The following PCTP variants were observed in gnomAD, a reference collection of about 807,000 sequenced individuals.
PCTP encodes START domain-containing protein 2.
In PCTP, 27 loss-of-function variants were observed where a neutral mutation model predicts 31.0. That is an observed-to-expected ratio of 0.87 (90% confidence interval 0.64 to 1.20). The LOEUF is 1.20. Ranked by LOEUF, PCTP falls within the 50% of genes most tolerant of loss-of-function variation. The probability of loss-of-function intolerance (pLI) is 0.00; values close to 1 mark genes in which losing one functional copy is unlikely to be tolerated. For synonymous variants in PCTP, 108 were observed against 101.2 expected, an observed-to-expected ratio of 1.07 and a Z score of -0.40; for missense variants, 287 against 268.2, an observed-to-expected ratio of 1.07 and a Z score of -0.49.
intron 1 of PCTP, among the ~76,000 whole-genome samples, chr17:55,762,957 T>C (rs1425974214): frequency 6.6e-6 from 1 of 152,252 alleles, no homozygotes; most frequent in African/African-American, 2.4e-5. Context: ...CATAATCCTT[T>C]TACTATTTGA....
downstream of PCTP, among the ~76,000 whole-genome samples, chr17:55,824,084 T>C (rs1380506958): frequency 1.3e-5 from 2 of 152,160 alleles, no homozygotes; most frequent in East Asian, 1.9e-4. Flanking sequence ...TTCTTTTACC[T>C]TCTTCCCATA....
the PCTP span, among the ~76,000 whole-genome samples, chr17:55,849,341 A>C: frequency 6.6e-6 from 1 of 152,182 alleles, no homozygotes. Flanking sequence ...ATAGCACTAC[A>C]GTCAGGTGCG....
At chr17:55,792,149 A>T (rs1912011068) in intron 3 of PCTP, among the ~76,000 whole-genome samples, 1 of 109,918 alleles carries the variant, frequency 9.1e-6, no homozygotes, top group African/African-American at 3.6e-5. Context: ...CACTCTGGGG[A>T]CTGTTGTGGG....
the PCTP span, among the ~76,000 whole-genome samples, chr17:55,851,344 G>T: frequency 5.7e-4 from 86 of 152,172 alleles, 1 homozygote; most frequent in South Asian, 4.4e-3. Flanking sequence ...AGATTTTTTA[G>T]AATATTTCTA....
chr17:55,820,269 T>A (rs1472257804), intron 3 of PCTP, among the ~76,000 whole-genome samples: 1 of 152,186 alleles, frequency 6.6e-6, no homozygotes, highest in Non-Finnish European at 1.5e-5. Context: ...AAATCATATA[T>A]CTGATAAGGG....
chr17:55,778,012 G>T (rs980035333), downstream of PCTP, among the ~76,000 whole-genome samples: 5 of 152,144 alleles, frequency 3.3e-5, no homozygotes, highest in African/African-American at 4.8e-5. Flanking sequence ...TAAATAATTT[G>T]CTAAGAACTC....
rs544175937 is a variant in PCTP, at chr17:55,800,780, T to C, written c.317+13126T>C. ...TGTGGATTTATCTACTTTTGGTCTTTGAAGTTGGTGACCTTCAATAGGATT... is the reference window on the plus strand; with the variant it reads ...TGTGGATTTATCTACTTTTGGTCTTCGAAGTTGGTGACCTTCAATAGGATT... On this transcript the variant is annotated intron_variant, in intron 3 of 3. Coordinates refer to the PCTP transcript ENST00000572536. Among the ~76,000 whole-genome samples the C allele has an allele frequency of 1.1e-4, 16 of 152,318 alleles. No individual in the cohort carries two copies. The East Asian group carries it at 3.1e-3, about 29-fold the overall frequency.
At position 55,776,335 on chromosome 17, in the gene PCTP, C is replaced by G. The variant is rs1055588041; in HGVS notation, c.*235C>G. 4 of 1,359,938 alleles carry G rather than the reference C, an allele frequency of 2.9e-6. No homozygotes were observed. The African/African-American group carries it at 5.9e-5, about 20-fold the overall frequency. 84.2% of individuals were successfully genotyped at this position (1,359,938 alleles called of 1,614,324 possible). A position where few individuals can be genotyped will look rare whatever the true frequency, so the allele number is the denominator to read the frequency against. ...CTCGTCTGCTTCCTTTCTCGCTCCC[C>G]CCATCCTGGGCTGGGCTGCCTTCTT... On this transcript the variant is annotated 3_prime_UTR_variant, in exon 6 of 6. Transcript: ENST00000268896.
chr17:55,771,998 T>A (rs1243402695), intron 3 of PCTP, among the ~76,000 whole-genome samples: 1 of 152,178 alleles, frequency 6.6e-6, no homozygotes, highest in Non-Finnish European at 1.5e-5. Context: ...AGCCACTGAA[T>A]TAGATGAACT....
At chr17:55,784,956 C>T (rs181127419) in intron 2 of PCTP, among the ~76,000 whole-genome samples, 2 of 152,206 alleles carry the variant, frequency 1.3e-5, no homozygotes, top group Non-Finnish European at 2.9e-5. Flanking sequence ...AATGCTCTTC[C>T]CCACATCTGT....
intron 3 of PCTP, among the ~76,000 whole-genome samples, chr17:55,798,597 A>G (rs74952552): frequency 0.027 from 4,089 of 152,060 alleles, 185 homozygotes; most frequent in African/African-American, 0.094. Context: ...TACTGAAAGA[A>G]TAAAAAACTA....
At chr17:55,810,114 G>A (rs1438981838) in intron 3 of PCTP, among the ~76,000 whole-genome samples, 1 of 152,096 alleles carries the variant, frequency 6.6e-6, no homozygotes, top group Non-Finnish European at 1.5e-5. Flanking sequence ...TAAACTCCCA[G>A]GCTCAAATGA....
At chr17:55,785,486 T>C (rs1470722061) in intron 2 of PCTP, among the ~76,000 whole-genome samples, 1 of 152,246 alleles carries the variant, frequency 6.6e-6, no homozygotes, top group Non-Finnish European at 1.5e-5. Context: ...AATACTGTTT[T>C]AAGCCAGTAA....
intron 3 of PCTP, among the ~76,000 whole-genome samples, chr17:55,795,055 C>A (rs1048200358): frequency 6.6e-6 from 1 of 152,046 alleles, no homozygotes; most frequent in Non-Finnish European, 1.5e-5. Context: ...CACACACATA[C>A]ACACACTAAC....
intron 3 of PCTP, among the ~76,000 whole-genome samples, chr17:55,807,063 C>T (rs771361622): frequency 8.5e-5 from 13 of 152,076 alleles, no homozygotes; most frequent in Non-Finnish European, 1.9e-4. Flanking sequence ...ATGAGGGAGA[C>T]AGTGATGGTG....
chr17:55,848,907 C>T, the PCTP span, among the ~76,000 whole-genome samples: 21,714 of 152,084 alleles, frequency 0.14, 1,753 homozygotes, highest in East Asian at 0.38. Context: ...AGCTATCACA[C>T]ATAGAAAACA....
chr17:55,845,447 G>A (rs1204314656), downstream of PCTP, among the ~76,000 whole-genome samples: 1 of 152,280 alleles, frequency 6.6e-6, no homozygotes, highest in East Asian at 1.9e-4. Flanking sequence ...CGGCGTCCGC[G>A]GGCCTCAGCG....
At chr17:55,832,256 C>T (rs879945413) in intron 5 of PCTP, among the ~76,000 whole-genome samples, 4 of 152,228 alleles carry the variant, frequency 2.6e-5, no homozygotes, top group Non-Finnish European at 5.9e-5. Flanking sequence ...CTCTGTGTCT[C>T]AATTATCTGT....
intron 4 of PCTP, 94 bp from the exon 5 acceptor site, chr17:55,774,698 C>A: frequency 9.6e-7 from 1 of 1,036,832 alleles, no homozygotes; most frequent in Non-Finnish European, 1.5e-6. Flanking sequence ...AGTTTCTGAG[C>A]TTGAATATGA....
Sources: allele counts gnomAD v4.1 joint callset (sites outside exome capture counted in the v4.1 genomes callset), GRCh38; gene constraint gnomAD v4.1.1; transcripts MANE v1.5; gene names NCBI Gene and HGNC (gene_info 2026-07-23, HGNC 2026-07-21).